PLD1: variants seen among roughly 807,000 people sequenced by gnomAD.
The protein encoded by PLD1 is choline phosphatase 1.
A neutral mutation model predicts 137.1 loss-of-function variants in PLD1; 112 were observed. The ratio of observed to expected loss-of-function variants is 0.82; its 90% confidence interval spans 0.70 to 0.96. The LOEUF (loss-of-function observed/expected upper bound fraction) is 0.96, where lower values mean the gene tolerates loss of function less well. Ranked by LOEUF, PLD1 falls within the 40% of genes least tolerant of loss-of-function variation. The pLI, the probability that PLD1 is intolerant of heterozygous loss-of-function variation, is 0.00. For synonymous variants in PLD1, 431 were observed against 454.7 expected (o/e 0.95, Z 0.66); for missense variants, 1,321 against 1,342.0 (o/e 0.98, Z 0.24).
intron 6 of PLD1, among the ~76,000 whole-genome samples, chr3:171,730,453 T>G (rs1718847740): frequency 6.7e-6 from 1 of 149,744 alleles, no homozygotes; most frequent in Non-Finnish European, 1.5e-5. Context: ...GCAGAGGAAG[T>G]CTTCATAATC....
chr3:171,623,345 C>T (rs764207043), intron 23 of PLD1, among the ~76,000 whole-genome samples: 5 of 141,734 alleles, frequency 3.5e-5, no homozygotes, highest in African/African-American at 8.0e-5. Context: ...GATGGAGTCT[C>T]GCTCTGTCAC....
At chr3:171,801,755 T>C (rs1305387782) in intron 1 of PLD1, among the ~76,000 whole-genome samples, 1 of 152,208 alleles carries the variant, frequency 6.6e-6, no homozygotes, top group Non-Finnish European at 1.5e-5. Flanking sequence ...TACAAAGTGA[T>C]ACACATTTCC....
chr3:171,788,547 C>G (rs1283494868), intron 1 of PLD1: 1 of 152,194 alleles, frequency 6.6e-6, no homozygotes, highest in Admixed American at 6.5e-5. Context: ...CAAATAAAAA[C>G]TCAAGCCAAG....
intron 1 of PLD1, among the ~76,000 whole-genome samples, chr3:171,764,884 AAAGAAAGAAAGGAAGGAAGG>A (rs1435136659): frequency 0.063 from 1,253 of 19,888 alleles, 164 homozygotes; most frequent in Non-Finnish European, 0.071. Flanking sequence ...AGAAAGAAAG[AAAGAAAGAAAGGAAGGAAGG>A]AAGGAAGGAA....
intron 23 of PLD1, among the ~76,000 whole-genome samples, chr3:171,632,545 G>A (rs1446292054): frequency 6.6e-6 from 1 of 151,846 alleles, no homozygotes; most frequent in Non-Finnish European, 1.5e-5. Flanking sequence ...ATATTTAGGG[G>A]GAAATTGGTA....
At chr3:171,665,424 G>A (rs1255094590) in intron 19 of PLD1, among the ~76,000 whole-genome samples, 1 of 152,204 alleles carries the variant, frequency 6.6e-6, no homozygotes, top group Admixed American at 6.5e-5. Flanking sequence ...TTATGGCCAG[G>A]GGCGGTGGCT....
At chr3:171,768,359 G>C (rs1722118153) in intron 1 of PLD1, among the ~76,000 whole-genome samples, 1 of 152,220 alleles carries the variant, frequency 6.6e-6, no homozygotes, top group East Asian at 1.9e-4. Context: ...GAACCAGGAG[G>C]TTAGGCATGG....
chr3:171,688,893 C>T lies in PLD1; in HGVS notation c.1339-17G>A. 6.3e-7 allele frequency: 1 copy of T among 1,586,868 alleles called. No individual in the cohort carries two copies. Among genetic ancestry groups the T allele is most frequent in the Non-Finnish European group, 8.7e-7 (1 of 1,155,882 alleles). ...TCTCATCACCTTGAGAGGGAATAAT[C>T]CCCACTGATAATATGCTTTTGAAAT... is the stretch of plus-strand genomic sequence containing the variant. On this transcript the variant is annotated splice_polypyrimidine_tract_variant and intron_variant, in intron 13 of 26. Transcript: ENST00000351298.
At chr3:171,636,516 T>C (rs993157877) in intron 23 of PLD1, among the ~76,000 whole-genome samples, 12 of 152,286 alleles carry the variant, frequency 7.9e-5, no homozygotes, top group Admixed American at 1.3e-4. Context: ...AAATATTTAA[T>C]TCTTTTGATG....
At chr3:171,799,158 G>A (rs564647393) in intron 1 of PLD1, among the ~76,000 whole-genome samples, 33 of 152,116 alleles carry the variant, frequency 2.2e-4, no homozygotes, top group African/African-American at 7.9e-4. Flanking sequence ...GACCAACACG[G>A]TGAAACCCTG....
At position 171,639,844 on chromosome 3, in the gene PLD1, C is replaced by CTATA. The variant is rs1365797079; in HGVS notation, c.2593+2995_2593+2996insTATA. ...TTTCTCTCTCTCTCTCTCTCTCTCT[C>CTATA]TCTCTATATATATATATATATCTCC... On this transcript the variant is annotated intron_variant, in intron 23 of 26. Transcript: ENST00000351298. Among the ~76,000 whole-genome samples the CTATA allele has an allele frequency of 5.2e-3, 594 of 113,400 alleles. 2 individuals are homozygous for CTATA. The highest frequency in any genetic ancestry group is 0.012 in the South Asian group (47 of 3,804). The allele number at this position is 113,400 out of a possible 152,430, so 74.4% of individuals were successfully genotyped here.
chr3:171,615,599 T>C (rs1317143012), intron 24 of PLD1, among the ~76,000 whole-genome samples: 3 of 152,230 alleles, frequency 2.0e-5, no homozygotes, highest in Non-Finnish European at 4.4e-5. Flanking sequence ...AAGAGTTTAC[T>C]TCTGACTTGT....
chr3:171,731,939 C>A (rs1039847532), intron 6 of PLD1, among the ~76,000 whole-genome samples: 1 of 152,070 alleles, frequency 6.6e-6, no homozygotes. Context: ...AAAAAGAACA[C>A]TTTTTAAATC....
intron 19 of PLD1, among the ~76,000 whole-genome samples, chr3:171,671,309 G>A (rs1712718656): frequency 6.6e-6 from 1 of 152,140 alleles, no homozygotes; most frequent in Non-Finnish European, 1.5e-5. Context: ...GAGTCCTTTG[G>A]TGATCTCAAT....
chr3:171,605,705 G>C (rs528728869), intron 25 of PLD1, among the ~76,000 whole-genome samples: 60 of 152,294 alleles, frequency 3.9e-4, no homozygotes, highest in African/African-American at 1.4e-3. Flanking sequence ...CTTAGAGAAG[G>C]CTTTAGGATT....
At chr3:171,636,716 G>A (rs540775188) in intron 23 of PLD1, among the ~76,000 whole-genome samples, 63 of 151,722 alleles carry the variant, frequency 4.2e-4, no homozygotes, top group African/African-American at 1.5e-3. Flanking sequence ...ATAAAAAGAG[G>A]TAGTTTTACT....
chr3:171,635,965 C>CTTTTTTTTTTTTTTTTTTTTTTTT lies in PLD1; in HGVS notation c.2593+6851_2593+6874dup, dbSNP rs71178231. 1.5e-3 allele frequency among the ~76,000 whole-genome samples: 75 copies of CTTTTTTTTTTTTTTTTTTTTTTTT among 49,280 alleles called. 6 individuals carry two copies. Among genetic ancestry groups the CTTTTTTTTTTTTTTTTTTTTTTTT allele is most frequent in the Non-Finnish European group, 1.9e-3 (42 of 22,586 alleles). The allele number at this position is 49,280 out of a possible 152,430, so 32.3% of individuals were successfully genotyped here. On this transcript the variant is annotated intron_variant, in intron 23 of 26. Coordinates refer to ENST00000351298, the MANE Select transcript of PLD1 (RefSeq NM_002662.5). ...ATGGTATGAGGTAGGGGTTCAACTT[C>CTTTTTTTTTTTTTTTTTTTTTTTT]TTTTTTTTTTTTTTTTTTTTTTTTT...
At chr3:171,665,222 A>G (rs916910516) in intron 19 of PLD1, among the ~76,000 whole-genome samples, 4 of 152,212 alleles carry the variant, frequency 2.6e-5, no homozygotes, top group Non-Finnish European at 5.9e-5. Flanking sequence ...CAGCTGGGTT[A>G]AGAGGCGATT....
At chr3:171,774,342 G>A (rs528120345) in intron 1 of PLD1, among the ~76,000 whole-genome samples, 1 of 152,128 alleles carries the variant, frequency 6.6e-6, no homozygotes, top group African/African-American at 2.4e-5. Context: ...GAAGGGAAAG[G>A]GTCCCCAGGG....
Sources: allele counts gnomAD v4.1 joint callset (sites outside exome capture counted in the v4.1 genomes callset), GRCh38; gene constraint gnomAD v4.1.1; transcripts MANE v1.5; gene names NCBI Gene and HGNC (gene_info 2026-07-23, HGNC 2026-07-21).